ESRRG: variants seen among roughly 807,000 people sequenced by gnomAD.
ESRRG encodes the protein estrogen related receptor gamma.
Under a neutral mutation model 44.0 loss-of-function variants are expected in ESRRG, and 13 were observed. The ratio of observed to expected loss-of-function variants is 0.30; its 90% CI spans 0.19 to 0.47. The LOEUF is 0.47. Ranked by LOEUF, ESRRG falls within the 20% of genes least tolerant of loss-of-function variation. The probability of loss-of-function intolerance (pLI) is 1.00; values close to 1 mark genes in which losing one functional copy is unlikely to be tolerated. For missense variants in ESRRG, 395 were observed against 580.6 expected (o/e 0.68, Z 3.29); for synonymous variants, 215 against 214.6 (o/e 1.00, Z -0.02).
At chr1:216,663,233 A>G (rs1300252960) in intron 2 of ESRRG, among the ~76,000 whole-genome samples, 1 of 152,158 alleles carries the variant, frequency 6.6e-6, no homozygotes, top group East Asian at 1.9e-4. Context: ...GGAAGTAGTG[A>G]AGATGCTCTG....
chr1:216,559,603 C>T (rs2058311642), intron 5 of ESRRG, among the ~76,000 whole-genome samples: 1 of 152,168 alleles, frequency 6.6e-6, no homozygotes, highest in Non-Finnish European at 1.5e-5. Context: ...CACATATATA[C>T]ATAGAAACAT....
intron 2 of ESRRG, among the ~76,000 whole-genome samples, chr1:216,787,057 GTC>G (rs34484847): frequency 0.086 from 13,068 of 151,970 alleles, 771 homozygotes; most frequent in African/African-American, 0.16. Flanking sequence ...TTCACTTTCC[GTC>G]TCTGTGTCAC....
intron 2 of ESRRG, among the ~76,000 whole-genome samples, chr1:216,861,149 A>C (rs927403250): frequency 5.9e-5 from 9 of 152,048 alleles, no homozygotes; most frequent in African/African-American, 2.2e-4. Context: ...TTATTCAGTT[A>C]ATCCAAATGA....
At chr1:216,928,912 A>G (rs1277322897) in intron 2 of ESRRG, among the ~76,000 whole-genome samples, 6 of 152,180 alleles carry the variant, frequency 3.9e-5, no homozygotes, top group Admixed American at 6.5e-5. Flanking sequence ...AGTCAAATTC[A>G]TAGAGACAGA....
At chr1:217,075,588 T>TTCC (rs2091178496) in intron 1 of ESRRG, among the ~76,000 whole-genome samples, 1 of 125,840 alleles carries the variant, frequency 7.9e-6, no homozygotes, top group Non-Finnish European at 1.7e-5. Flanking sequence ...AATTGCTCCT[T>TTCC]TCCCCCCCCC....
chr1:216,594,950 G>C (rs1215470725), intron 3 of ESRRG, among the ~76,000 whole-genome samples: 1 of 152,150 alleles, frequency 6.6e-6, no homozygotes, highest in African/African-American at 2.4e-5. Context: ...AGTATTTCTA[G>C]CATCTGTCAT....
intron 2 of ESRRG, among the ~76,000 whole-genome samples, chr1:216,779,973 A>C (rs976066395): frequency 6.6e-6 from 1 of 151,890 alleles, no homozygotes; most frequent in African/African-American, 2.4e-5. Flanking sequence ...TATACACCTA[A>C]GATAGAAGCA....
chr1:216,684,286 A>C (rs1345181564), intron 1 of ESRRG, among the ~76,000 whole-genome samples: 2 of 152,214 alleles, frequency 1.3e-5, no homozygotes, highest in African/African-American at 4.8e-5. Context: ...ATTAATGGGA[A>C]AAGAAATGGT....
intron 2 of ESRRG, among the ~76,000 whole-genome samples, chr1:216,801,967 G>A (rs1430199875): frequency 2.0e-5 from 3 of 152,144 alleles, no homozygotes; most frequent in African/African-American, 4.8e-5. Flanking sequence ...TTTATAAAAA[G>A]GAGAGACAAA....
intron 2 of ESRRG, among the ~76,000 whole-genome samples, chr1:216,873,642 A>C (rs1010388560): frequency 6.6e-6 from 1 of 151,584 alleles, no homozygotes; most frequent in African/African-American, 2.4e-5. Flanking sequence ...TAGTTATCCT[A>C]CTCAGCCACA....
chr1:216,731,648 T>C (rs1443854931), intron 2 of ESRRG, among the ~76,000 whole-genome samples: 1 of 152,224 alleles, frequency 6.6e-6, no homozygotes, highest in Non-Finnish European at 1.5e-5. Context: ...CCCCAAAATA[T>C]GTACAACTAT....
intron 1 of ESRRG, among the ~76,000 whole-genome samples, chr1:217,123,718 A>G (rs886257944): frequency 6.6e-6 from 1 of 152,106 alleles, no homozygotes; most frequent in Admixed American, 6.6e-5. Context: ...ACACATGGAC[A>G]CAGGGAGGGG....
intron 3 of ESRRG, among the ~76,000 whole-genome samples, chr1:216,584,481 C>T (rs1198301332): frequency 6.6e-6 from 1 of 152,040 alleles, no homozygotes; most frequent in African/African-American, 2.4e-5. Context: ...TGGTCTCGAT[C>T]TCCTGACCTC....
At chr1:216,853,604 C>T (rs1009818242) in intron 2 of ESRRG, among the ~76,000 whole-genome samples, 4 of 152,122 alleles carry the variant, frequency 2.6e-5, no homozygotes, top group African/African-American at 9.7e-5. Flanking sequence ...TCACTAAGAC[C>T]CCTGTCTCCC....
At chr1:216,517,967 GA>G (rs2044855001) in intron 6 of ESRRG, among the ~76,000 whole-genome samples, 1 of 152,034 alleles carries the variant, frequency 6.6e-6, no homozygotes, top group Non-Finnish European at 1.5e-5. Flanking sequence ...TCAGTCTAAG[GA>G]TTCATGCATC....
chr1:217,053,376 A>T (rs1314337875), intron 1 of ESRRG, among the ~76,000 whole-genome samples: 2 of 151,764 alleles, frequency 1.3e-5, no homozygotes, highest in African/African-American at 2.4e-5. Flanking sequence ...AATCGCTTGA[A>T]CCTAGGAGAT....
chr1:216,694,203 TAAG>T (rs1187775992), intron 1 of ESRRG, among the ~76,000 whole-genome samples: 1 of 152,188 alleles, frequency 6.6e-6, no homozygotes, highest in Non-Finnish European at 1.5e-5. Flanking sequence ...TTGTGAATGT[TAAG>T]AAGATTAAAT....
intron 3 of ESRRG, among the ~76,000 whole-genome samples, chr1:216,572,992 A>T (rs2061081620): frequency 6.6e-6 from 1 of 151,980 alleles, no homozygotes; most frequent in South Asian, 2.1e-4. Flanking sequence ...AGAGAAATAT[A>T]ATACAAATTA....
In ESRRG at chr1:217,086,027, G is replaced by A. The variant is rs7551795; in HGVS notation, c.-106+3480C>T. On this transcript the variant is annotated intron_variant, in intron 1 of 7. Transcript: ENST00000359162. ...CTTCTTCCTTTGCACAAGAAGTCCCGGTACATTATTTTGACTTTATGAAGA... is the reference window on the plus strand; with the variant it reads ...CTTCTTCCTTTGCACAAGAAGTCCCAGTACATTATTTTGACTTTATGAAGA... 6.8e-3 allele frequency among the ~76,000 whole-genome samples: 1,031 copies of A among 152,030 alleles called. 18 individuals are homozygous for A. The highest frequency in any genetic ancestry group is 0.023 in the African/African-American group (954 of 41,430).
Sources: allele counts gnomAD v4.1 joint callset (sites outside exome capture counted in the v4.1 genomes callset), GRCh38; gene constraint gnomAD v4.1.1; transcripts MANE v1.5; gene names NCBI Gene and HGNC (gene_info 2026-07-23, HGNC 2026-07-21).